The following MROH1 variants were observed in gnomAD, a reference collection of about 807,000 sequenced individuals.
MROH1 encodes maestro heat like repeat family member 1, also known as maestro heat-like repeat-containing protein family member 1.
A neutral mutation model predicts 116.5 loss-of-function variants in MROH1; 117 were observed. That is an observed-to-expected ratio of 1.00 (90% confidence interval 0.86 to 1.17). The LOEUF is 1.17. Ranked by LOEUF, MROH1 falls within the 50% of genes most tolerant of loss-of-function variation. The pLI, the probability that MROH1 is intolerant of heterozygous loss-of-function variation, is 0.00. For synonymous variants in MROH1, 921 were observed against 583.9 expected (o/e 1.58, Z -8.32); for missense variants, 1,873 against 1,338.5 (o/e 1.40, Z -6.23).
chr8:144,202,764 G>A (rs1172643682), intron 12 of MROH1, among the ~76,000 whole-genome samples: 1 of 120,542 alleles, frequency 8.3e-6, no homozygotes, highest in Non-Finnish European at 1.7e-5. Context: ...GGTTGGGAGA[G>A]GAGCACCCGC....
chr8:144,240,243 G>C (rs1385227975), intron 19 of MROH1, 90 bp downstream of exon 19: 1 of 657,776 alleles, frequency 1.5e-6, no homozygotes, highest in Admixed American at 2.4e-5. Context: ...CACCTGCCTC[G>C]ACCTCACCTC....
intron 14 of MROH1, 114 bp from the exon 15 acceptor site, chr8:144,238,642 T>C (rs1840444313): frequency 1.7e-5 from 12 of 688,934 alleles, no homozygotes; most frequent in South Asian, 1.7e-4. Context: ...GTGGTGCACA[T>C]GTCTGCGTGA....
At chr8:144,179,680 A>G in intron 5 of MROH1, 94 bp downstream of exon 5, 1 of 1,490,644 alleles carries the variant, frequency 6.7e-7, no homozygotes, top group Non-Finnish European at 9.1e-7. Flanking sequence ...TTGAGAGTAT[A>G]GGGTGGTGTT....
intron 14 of MROH1, 99 bp from the exon 15 acceptor site, chr8:144,238,657 C>T (rs1020810011): frequency 7.1e-6 from 5 of 705,024 alleles, no homozygotes; most frequent in African/African-American, 5.2e-5. Context: ...GCGTGACCTG[C>T]GGCGAGGCTC....
intron 14 of MROH1, among the ~76,000 whole-genome samples, chr8:144,231,293 C>T (rs1838835612): frequency 6.6e-6 from 1 of 152,110 alleles, no homozygotes; most frequent in African/African-American, 2.4e-5. Flanking sequence ...CCGCCATTGT[C>T]ATCATGGCCC....
At chr8:144,233,696 A>G (rs1286597270) in intron 14 of MROH1, among the ~76,000 whole-genome samples, 1 of 152,202 alleles carries the variant, frequency 6.6e-6, no homozygotes, top group Admixed American at 6.5e-5. Flanking sequence ...TCAGGGCTCA[A>G]TATTCCCTGT....
At chr8:144,164,873 C>A (rs1820408676) in intron 3 of MROH1, among the ~76,000 whole-genome samples, 1 of 152,186 alleles carries the variant, frequency 6.6e-6, no homozygotes, top group African/African-American at 2.4e-5. Context: ...GATAAAGGCA[C>A]CGGCACATTC....
chr8:144,202,051 C>G (rs376211583), intron 12 of MROH1, among the ~76,000 whole-genome samples: 2 of 151,418 alleles, frequency 1.3e-5, no homozygotes, highest in Non-Finnish European at 1.5e-5. Flanking sequence ...AGCAGCAGGG[C>G]CAAGGGAGGA....
intron 7 of MROH1, among the ~76,000 whole-genome samples, chr8:144,184,522 GT>G (rs1826461819): frequency 6.6e-6 from 1 of 152,234 alleles, no homozygotes; most frequent in Admixed American, 6.5e-5. Context: ...AAAGGACAGG[GT>G]CCTACAAGGA....
At chr8:144,249,056 G>GC (rs1842393197) in intron 32 of MROH1, 27 bp downstream of exon 32, 1 of 636,512 alleles carries the variant, frequency 1.6e-6, no homozygotes, top group Non-Finnish European at 2.9e-6. Flanking sequence ...CGCGGGGGGT[G>GC]CTCCAGGAGA....
Position 144,182,631 on chromosome 8 carries a change from A to C in MROH1, c.562+2108A>C, listed in dbSNP as rs1408487441. Among the ~76,000 whole-genome samples the C allele has an allele frequency of 6.6e-6, 1 of 152,164 alleles. No individual in the cohort carries two copies. Among genetic ancestry groups the C allele is most frequent in the East Asian group, 1.9e-4 (1 of 5,190 alleles). ...AGAATTGGAAGAGAAAGTTGTGGAAATTTCCAGAAAATAGAGGAAAAAGGC... is the reference window on the plus strand; with the variant it reads ...AGAATTGGAAGAGAAAGTTGTGGAACTTTCCAGAAAATAGAGGAAAAAGGC... On this transcript the variant is annotated intron_variant, in intron 7 of 43. Coordinates refer to ENST00000326134, the MANE Select transcript of MROH1 (RefSeq NM_032450.3). The surrounding 1 kb of genome is among the most constrained non-coding windows in gnomAD (Gnocchi z 4.1).
rs901605846 is a variant in MROH1, at chr8:144,202,450, C to G, written c.1141+1909C>G. On this transcript the variant is annotated intron_variant, in intron 12 of 43. Coordinates refer to ENST00000326134, the MANE Select transcript of MROH1 (RefSeq NM_032450.3). Reference sequence around the variant, plus strand: ...AGGGGTTGGGAGGGAAGCGCCCCCTCTGTGGAGGGGAAGAGAGGGAAGCGC... The same window carrying G: ...AGGGGTTGGGAGGGAAGCGCCCCCTGTGTGGAGGGGAAGAGAGGGAAGCGC... Among the ~76,000 whole-genome samples the G allele has an allele frequency of 2.2e-5, 3 of 134,782 alleles. No individual in the cohort carries two copies. In the Admixed American group the frequency reaches 2.3e-4, roughly 10 times the overall value. The allele number at this position is 134,782 out of a possible 152,430, so 88.4% of individuals were successfully genotyped here.
chr8:144,190,744 C>A, intron 7 of MROH1, 40 bp from the exon 8 acceptor site: 1 of 1,601,450 alleles, frequency 6.2e-7, no homozygotes, highest in Non-Finnish European at 8.5e-7. Flanking sequence ...TCGTCACAAA[C>A]CCATGGCCTG....
Position 144,239,075 on chromosome 8 carries a change from G to C in MROH1, c.1487G>C (p.Arg496Pro). The C allele has an allele frequency of 1.3e-6, 1 of 777,694 alleles. No individual in the cohort carries two copies. Among genetic ancestry groups the C allele is most frequent in the Non-Finnish European group, 2.4e-6 (1 of 417,760 alleles). 48.2% of individuals were successfully genotyped at this position (777,694 alleles called of 1,614,324 possible). The change falls in exon 16 of 44, where the codon CGC (arginine) becomes CCC (proline). Residue 496 changes from arginine (R) to proline (P), a missense_variant. Arg to Pro is a moderately radical substitution (Grantham distance 103, BLOSUM62 -2). Coordinates refer to ENST00000326134, the MANE Select transcript of MROH1 (RefSeq NM_032450.3). ...PYLLQFLTPV[R>P]FTGALTPLCR... is the part of the protein sequence containing the mutation. ...CTGCTCCAGTTCCTCACCCCTGTGC[G>C]CTTCACTGGGGCCCTGACTCCGCTC...
Position 144,231,718 on chromosome 8 carries a change from C to G in MROH1, c.1339-7038C>G, listed in dbSNP as rs558371120. On this transcript the variant is annotated intron_variant, in intron 14 of 43. Transcript: ENST00000326134. ...CAGTTTGAAATATTCCAAGAATGAGCAAAATGTGACACAGAGACACACACC... is the reference window on the plus strand; with the variant it reads ...CAGTTTGAAATATTCCAAGAATGAGGAAAATGTGACACAGAGACACACACC... Among the ~76,000 whole-genome samples, 31 of 152,274 alleles carry G rather than the reference C, an allele frequency of 2.0e-4. No homozygotes were observed. The East Asian group carries it at 5.2e-3, about 26-fold the overall frequency.
intron 12 of MROH1, among the ~76,000 whole-genome samples, chr8:144,207,946 C>CT (rs1335877700): frequency 2.2e-5 from 3 of 135,140 alleles, no homozygotes; most frequent in African/African-American, 8.2e-5. Flanking sequence ...TTTTTAATTA[C>CT]TTTTTTTTTT....
chr8:144,242,373 G>A lies in MROH1; in HGVS notation c.2183G>A (p.Arg728Gln), dbSNP rs1459579712. 18 of 780,708 alleles carry A rather than the reference G, an allele frequency of 2.3e-5. No individual in the cohort carries two copies. In the Middle Eastern group the frequency reaches 9.0e-4, roughly 39 times the overall value. 48.4% of individuals were successfully genotyped at this position (780,708 alleles called of 1,614,324 possible). Residue 728 changes from arginine to glutamine, a missense_variant, in exon 23 of 44, where the codon CGA (arginine) becomes CAA (glutamine). By Grantham distance (43) the Arg-to-Gln change is conservative. Transcript: ENST00000326134. ...SIGILNIFKDRSENEVEKVKS... is the reference protein window; with the variant it reads ...SIGILNIFKDQSENEVEKVKS... ...CTGGTTCCTCTGGCCTCTCAGGATC[G>A]AAGTGAGAACGAAGTGGAGAAGGTG... is the stretch of plus-strand genomic sequence containing the variant.
Position 144,254,858 on chromosome 8 carries a change from A to G in MROH1, c.3474A>G (p.Leu1158=). The change falls in exon 34 of 44, where the codon CTA becomes CTG. Residue 1158 remains leucine (L), a synonymous_variant. Transcript: ENST00000326134. ...GGGCGCTGGCGGTGGAGCCTCGCCTAGCTGCCCAGGTCCTGGGGCTGCTGC... is the reference window on the plus strand; with the variant it reads ...GGGCGCTGGCGGTGGAGCCTCGCCTGGCTGCCCAGGTCCTGGGGCTGCTGC... ...LWRALAVEPR[L]AAQVLGLLLE... 1 of 777,748 alleles carries G rather than the reference A, an allele frequency of 1.3e-6. No individual in the cohort carries two copies. Among genetic ancestry groups the G allele is most frequent in the East Asian group, 2.4e-5 (1 of 41,218 alleles). The allele number at this position is 777,748 out of a possible 1,614,324, so 48.2% of individuals were successfully genotyped here.
At chr8:144,192,229 A>C (rs1339754874) in intron 9 of MROH1, 80 bp from the exon 10 acceptor site, 2 of 1,264,584 alleles carry the variant, frequency 1.6e-6, no homozygotes, top group Non-Finnish European at 2.2e-6. Flanking sequence ...CTGTGGCCCA[A>C]CTGGGAGGCT....
Sources: gnomAD v4.1 joint callset for allele counts (sites outside exome capture counted in the v4.1 genomes callset) on GRCh38, gnomAD v4.1.1 for gene constraint, Gnocchi (gnomAD v3.1) non-coding constraint, MANE v1.5 for transcripts, NCBI Gene and HGNC (gene_info 2026-07-23, HGNC 2026-07-21) for gene names.